Variants in SSBP2 observed in about 807,000 individuals in gnomAD.
SSBP2 encodes single-stranded DNA-binding protein 2.
A neutral mutation model predicts 61.8 loss-of-function variants in SSBP2; 17 were observed. The ratio of observed to expected loss-of-function variants is 0.28; its 90% confidence interval spans 0.19 to 0.41. SSBP2 has a LOEUF of 0.41. Ranked by LOEUF, SSBP2 falls within the 10% of genes least tolerant of loss-of-function variation. SSBP2 has a pLI of 1.00. For synonymous variants in SSBP2, 139 were observed against 141.3 expected, an observed-to-expected ratio of 0.98 and a Z score of 0.12; for missense variants, 310 against 458.7, an observed-to-expected ratio of 0.68 and a Z score of 2.96.
intron 1 of SSBP2, among the ~76,000 whole-genome samples, chr5:81,666,557 TG>T (rs1751154635): frequency 6.6e-6 from 1 of 152,168 alleles, no homozygotes; most frequent in African/African-American, 2.4e-5. Flanking sequence ...CTATCAACTT[TG>T]GAGAACTGAA....
intron 3 of SSBP2, among the ~76,000 whole-genome samples, chr5:81,632,664 A>C (rs1032869952): frequency 6.6e-6 from 1 of 151,794 alleles, no homozygotes; most frequent in Non-Finnish European, 1.5e-5. Flanking sequence ...GGGGTTTTAA[A>C]CCATTAAAAT....
chr5:81,574,249 T>C (rs1377062045), intron 4 of SSBP2, among the ~76,000 whole-genome samples: 1 of 151,908 alleles, frequency 6.6e-6, no homozygotes, highest in Non-Finnish European at 1.5e-5. Flanking sequence ...AACATTTAAA[T>C]TGAAATTTTA....
chr5:81,443,800 G>C (rs1763192435), intron 12 of SSBP2, among the ~76,000 whole-genome samples: 1 of 152,226 alleles, frequency 6.6e-6, no homozygotes, highest in South Asian at 2.1e-4. Context: ...CTGACCCTGT[G>C]ATCTGCCCAC....
intron 4 of SSBP2, among the ~76,000 whole-genome samples, chr5:81,587,352 C>CA (rs1775132113): frequency 6.6e-6 from 1 of 151,664 alleles, no homozygotes. Context: ...AAATGGCAAA[C>CA]AAAAAAGAAA....
chr5:81,745,627 T>TAC (rs1757309015), intron 1 of SSBP2, among the ~76,000 whole-genome samples: 3 of 152,180 alleles, frequency 2.0e-5, no homozygotes, highest in East Asian at 3.9e-4. Context: ...AGCAATAACA[T>TAC]ACACACAATA....
chr5:81,667,325 ACACACACG>A (rs1363934563), intron 1 of SSBP2, among the ~76,000 whole-genome samples: 3 of 148,856 alleles, frequency 2.0e-5, no homozygotes, highest in African/African-American at 7.6e-5. Context: ...ACACACACAC[ACACACACG>A]CTCCAACAAT....
intron 1 of SSBP2, among the ~76,000 whole-genome samples, chr5:81,722,914 G>T (rs1755630907): frequency 6.6e-6 from 1 of 151,824 alleles, no homozygotes; most frequent in African/African-American, 2.4e-5. Context: ...ATCCTTCCCT[G>T]ATTTATATCT....
intron 8 of SSBP2, 48 bp from the exon 9 acceptor site, chr5:81,467,113 G>C: frequency 1.4e-5 from 17 of 1,253,832 alleles, no homozygotes; most frequent in Non-Finnish European, 1.8e-5. Flanking sequence ...GGGAAAGAAA[G>C]GAGAGCACGT....
At chr5:81,691,721 T>C (rs1753213609) in intron 1 of SSBP2, among the ~76,000 whole-genome samples, 2 of 152,140 alleles carry the variant, frequency 1.3e-5, no homozygotes, top group African/African-American at 4.8e-5. Flanking sequence ...AGAAGACTGG[T>C]ATTACTCTGA....
At chr5:81,680,856 C>T (rs561453068) in intron 1 of SSBP2, among the ~76,000 whole-genome samples, 4 of 152,250 alleles carry the variant, frequency 2.6e-5, no homozygotes, top group Non-Finnish European at 5.9e-5. Context: ...GAGAAATGGA[C>T]GGTTCCAGCA....
chr5:81,609,163 C>T (rs768659731), intron 4 of SSBP2, among the ~76,000 whole-genome samples: 19 of 152,282 alleles, frequency 1.2e-4, no homozygotes, highest in Non-Finnish European at 2.6e-4. Context: ...CATGAAACTG[C>T]TTTTCAGTGG....
chr5:81,703,105 T>C (rs1311421717), intron 1 of SSBP2, among the ~76,000 whole-genome samples: 1 of 152,214 alleles, frequency 6.6e-6, no homozygotes, highest in Non-Finnish European at 1.5e-5. Context: ...GCTAAAGTGG[T>C]TCAATATTTA....
chr5:81,488,034 T>TTATATATATA, intron 6 of SSBP2, among the ~76,000 whole-genome samples: 4 of 16,874 alleles, frequency 2.4e-4, no homozygotes, highest in African/African-American at 1.3e-3. Context: ...TATATATATA[T>TTATATATATA]ATATATATAT....
At chr5:81,548,557 A>G (rs1771928977) in intron 4 of SSBP2, among the ~76,000 whole-genome samples, 1 of 152,210 alleles carries the variant, frequency 6.6e-6, no homozygotes, top group Non-Finnish European at 1.5e-5. Context: ...TATGTATTAA[A>G]GTGAAATGAC....
At chr5:81,631,093 T>C (rs1747661831) in intron 3 of SSBP2, among the ~76,000 whole-genome samples, 1 of 152,208 alleles carries the variant, frequency 6.6e-6, no homozygotes, top group East Asian at 1.9e-4. Flanking sequence ...TCATAAATAC[T>C]ATATAAAAAG....
chr5:81,540,811 G>A (rs910218100), intron 4 of SSBP2, among the ~76,000 whole-genome samples: 4 of 151,732 alleles, frequency 2.6e-5, no homozygotes, highest in African/African-American at 4.8e-5. Context: ...CAGTATCTCC[G>A]ATTTGCACCT....
At chr5:81,614,388 G>C (rs1005847500) in intron 4 of SSBP2, among the ~76,000 whole-genome samples, 6 of 126,502 alleles carry the variant, frequency 4.7e-5, no homozygotes, top group Non-Finnish European at 1.0e-4. Context: ...AAAAAGAATT[G>C]CACAGTCCCT....
At chr5:81,628,097 C>T (rs1433627064) in intron 3 of SSBP2, among the ~76,000 whole-genome samples, 1 of 151,892 alleles carries the variant, frequency 6.6e-6, no homozygotes, top group East Asian at 1.9e-4. Flanking sequence ...TGCTCTCAAG[C>T]TGCTAATAAA....
Position 81,417,703 on chromosome 5 carries a change from C to T in SSBP2, c.*2801G>A, listed in dbSNP as rs1192445398. ...CAGATATACTGTCTTCCATTCAGTGCATGAAAGAATTATCTGGATATAAAA... is the reference window on the plus strand; with the variant it reads ...CAGATATACTGTCTTCCATTCAGTGTATGAAAGAATTATCTGGATATAAAA... On this transcript the variant is annotated 3_prime_UTR_variant, in exon 17 of 17. Coordinates refer to ENST00000320672, the MANE Select transcript of SSBP2 (RefSeq NM_012446.5). The T allele has an allele frequency of 6.6e-6, 1 of 152,122 alleles. No homozygotes were observed. The highest frequency in any genetic ancestry group is 1.5e-5 in the Non-Finnish European group (1 of 68,020). The allele number at this position is 152,122 out of a possible 1,614,324, so 9.4% of individuals were successfully genotyped here. A position where few individuals can be genotyped will look rare whatever the true frequency, so the allele number is the denominator to read the frequency against.
Sources: gnomAD v4.1 joint callset for allele counts (sites outside exome capture counted in the v4.1 genomes callset) on GRCh38, gnomAD v4.1.1 for gene constraint, MANE v1.5 for transcripts, NCBI Gene and HGNC (gene_info 2026-07-23, HGNC 2026-07-21) for gene names.